Variants in ERGIC2 observed in about 807,000 individuals in gnomAD.
The protein encoded by ERGIC2 is endoplasmic reticulum-Golgi intermediate compartment protein 2.
Under a neutral mutation model 52.5 loss-of-function variants are expected in ERGIC2, and 31 were observed. The observed-to-expected ratio is 0.59, with a 90% CI of 0.44 to 0.80. ERGIC2 has a LOEUF of 0.80. ERGIC2 is among the 30% of genes least tolerant of loss of function. ERGIC2 has a pLI of 0.00. For missense variants in ERGIC2, 395 were observed against 455.2 expected (o/e 0.87, Z 1.20); for synonymous variants, 129 against 140.6 (o/e 0.92, Z 0.58).
intron 6 of ERGIC2, among the ~76,000 whole-genome samples, chr12:29,359,759 T>C (rs373904213): frequency 6.6e-6 from 1 of 151,032 alleles, no homozygotes; most frequent in Non-Finnish European, 1.5e-5. Context: ...ACTTAGGGAC[T>C]AGGGAAAAAA....
At position 29,356,447 on chromosome 12, in the gene ERGIC2, T is replaced by C. The variant is rs999801300; in HGVS notation, c.507A>G (p.Ala169=). Residue 169 remains alanine, a synonymous_variant, in exon 8 of 14, where the codon GCA becomes GCG. Transcript: ENST00000360150. ...REDDSSQSPN[A]CRIHGHLYVN... is the part of the protein sequence containing the mutation. ...CATATAGATGGCCATGAATTCTGCA[T>C]GCATTTGGAGACTGTGATGAATCAT... 16 of 1,601,172 alleles carry C rather than the reference T, an allele frequency of 1.0e-5. No homozygotes were observed. The highest frequency in any genetic ancestry group is 1.4e-5 in the Non-Finnish European group (16 of 1,168,320).
At chr12:29,375,438 G>A (rs1940502339) in intron 1 of ERGIC2, among the ~76,000 whole-genome samples, 1 of 152,136 alleles carries the variant, frequency 6.6e-6, no homozygotes, top group Non-Finnish European at 1.5e-5. Context: ...ACAGCAGTAT[G>A]TCATACTTAG....
At chr12:29,371,745 T>A in intron 1 of ERGIC2, 75 bp from the exon 2 acceptor site, 1 of 677,654 alleles carries the variant, frequency 1.5e-6, no homozygotes. Context: ...TTAGGATAAC[T>A]GACAAATGTC....
chr12:29,363,853 G>C (rs915810809), intron 5 of ERGIC2, among the ~76,000 whole-genome samples: 4 of 144,770 alleles, frequency 2.8e-5, no homozygotes, highest in African/African-American at 1.0e-4. Flanking sequence ...AAAAAAAAGA[G>C]AGTGACCACA....
chr12:29,362,039 C>G (rs989031871), intron 5 of ERGIC2, among the ~76,000 whole-genome samples: 1 of 152,084 alleles, frequency 6.6e-6, no homozygotes, highest in Non-Finnish European at 1.5e-5. Context: ...TACAAAAATA[C>G]AGAGTTATAT....
chr12:29,354,091 T>C (rs913689204), intron 8 of ERGIC2, among the ~76,000 whole-genome samples: 30 of 152,276 alleles, frequency 2.0e-4, no homozygotes, highest in African/African-American at 5.3e-4. Context: ...CATCCTGCAA[T>C]GAAATTGACA....
chr12:29,363,584 T>G (rs1286694729), intron 5 of ERGIC2, among the ~76,000 whole-genome samples: 1 of 151,972 alleles, frequency 6.6e-6, no homozygotes, highest in Admixed American at 6.6e-5. Flanking sequence ...AAATAAAATT[T>G]TCCTGCTCCA....
intron 1 of ERGIC2, among the ~76,000 whole-genome samples, chr12:29,375,777 T>C (rs769572078): frequency 6.6e-5 from 10 of 152,144 alleles, no homozygotes; most frequent in Non-Finnish European, 4.4e-5. Context: ...TCTAGCTTCC[T>C]CCATCCCTGT....
chr12:29,376,902 T>C (rs1456244502), intron 1 of ERGIC2, among the ~76,000 whole-genome samples: 31 of 146,490 alleles, frequency 2.1e-4, no homozygotes. Context: ...ATGTGTCCTT[T>C]ATTCTGAGAT....
At chr12:29,361,250 CA>C (rs935758735) in intron 6 of ERGIC2, among the ~76,000 whole-genome samples, 12 of 145,678 alleles carry the variant, frequency 8.2e-5, no homozygotes, top group Non-Finnish European at 9.1e-5. Flanking sequence ...GACTCTGTCT[CA>C]AAAAAAAAAG....
chr12:29,368,886 T>C (rs1940400554), intron 3 of ERGIC2, among the ~76,000 whole-genome samples: 1 of 151,902 alleles, frequency 6.6e-6, no homozygotes, highest in Non-Finnish European at 1.5e-5. Flanking sequence ...GCAACCAAAC[T>C]ACCAAAAGTA....
At chr12:29,363,909 T>G (rs1281351254) in intron 5 of ERGIC2, among the ~76,000 whole-genome samples, 6 of 150,040 alleles carry the variant, frequency 4.0e-5, no homozygotes, top group South Asian at 2.1e-4. Context: ...TGTAAGTGAC[T>G]TTTAGAGGAT....
chr12:29,354,357 T>C (rs1034655232), intron 8 of ERGIC2, among the ~76,000 whole-genome samples: 19 of 152,348 alleles, frequency 1.2e-4, no homozygotes, highest in African/African-American at 4.6e-4. Flanking sequence ...TCACTCATGA[T>C]ATCTGAGTAG....
Position 29,371,570 on chromosome 12 carries a change from C to T in ERGIC2, c.64G>A (p.Val22Ile). 6.2e-7 allele frequency: 1 copy of T among 1,613,520 alleles called. No homozygotes were observed. Among genetic ancestry groups the T allele is most frequent in the South Asian group, 1.1e-5 (1 of 90,962 alleles). The change falls in exon 2 of 14, where the codon GTT becomes ATT. Residue 22 changes from valine to isoleucine, a missense_variant. Transcript: ENST00000360150. ...GAAGTCTCTACATAGCTCTCAGGAACCTTCGGAAAGGCATCCAACTCTTTT... is the reference window on the plus strand; with the variant it reads ...GAAGTCTCTACATAGCTCTCAGGAATCTTCGGAAAGGCATCCAACTCTTTT... Reference protein sequence around the residue: ...LVKELDAFPKVPESYVETSAS... With the variant: ...LVKELDAFPKIPESYVETSAS...
chr12:29,373,119 T>G (rs1480056902), intron 1 of ERGIC2, among the ~76,000 whole-genome samples: 2 of 151,976 alleles, frequency 1.3e-5, no homozygotes, highest in Admixed American at 1.3e-4. Flanking sequence ...CACACAAAAA[T>G]GTTAAAAGTA....
chr12:29,370,449 T>C (rs1940426087), intron 2 of ERGIC2, among the ~76,000 whole-genome samples: 1 of 151,968 alleles, frequency 6.6e-6, no homozygotes, highest in Non-Finnish European at 1.5e-5. Context: ...ACATAAACAC[T>C]TGCATTACTA....
At chr12:29,347,209 A>G (rs1686542667) in intron 10 of ERGIC2, among the ~76,000 whole-genome samples, 1 of 152,208 alleles carries the variant, frequency 6.6e-6, no homozygotes. Context: ...TCAATTAGAT[A>G]GTATAGGCAT....
At chr12:29,342,170 C>A (rs147827331) in intron 12 of ERGIC2, among the ~76,000 whole-genome samples, 6,745 of 152,218 alleles carry the variant, frequency 0.044, 170 homozygotes, top group Non-Finnish European at 0.049. Context: ...TACCACCATG[C>A]CCGGCTAATT....
Position 29,370,234 on chromosome 12 carries a change from A to T in ERGIC2, c.107-12T>A. 6.5e-7 allele frequency: 1 copy of T among 1,532,756 alleles called. No individual in the cohort carries two copies. Among genetic ancestry groups the T allele is most frequent in the Admixed American group, 2.4e-5 (1 of 40,900 alleles). The allele number at this position is 1,532,756 out of a possible 1,614,324, so 94.9% of individuals were successfully genotyped here. A position where few individuals can be genotyped will look rare whatever the true frequency, so the allele number is the denominator to read the frequency against. Reference sequence around the variant, plus strand: ...TGCTATTAGAGAAACTGGGAAATCCAACAACAAAAGAAAAACAGAATTAAA... The same window carrying T: ...TGCTATTAGAGAAACTGGGAAATCCTACAACAAAAGAAAAACAGAATTAAA... On this transcript the variant is annotated splice_polypyrimidine_tract_variant and intron_variant, in intron 2 of 13. Transcript: ENST00000360150.
Sources: gnomAD v4.1 joint callset for allele counts (sites outside exome capture counted in the v4.1 genomes callset) on GRCh38, gnomAD v4.1.1 for gene constraint, MANE v1.5 for transcripts, NCBI Gene and HGNC (gene_info 2026-07-23, HGNC 2026-07-21) for gene names.